Variants in SLC3A1 observed in about 807,000 individuals in gnomAD.
SLC3A1 encodes amino acid transporter heavy chain SLC3A1.
Under a neutral mutation model 60.3 loss-of-function variants are expected in SLC3A1, and 78 were observed. That is an observed-to-expected ratio of 1.29 (90% CI 1.08 to 1.56). The LOEUF is 1.56. Ranked by LOEUF, SLC3A1 falls within the 40% of genes most tolerant of loss-of-function variation. The pLI is 0.00. For synonymous variants in SLC3A1, 392 were observed against 307.9 expected (o/e 1.27, Z -2.86); for missense variants, 1,172 against 858.9 (o/e 1.36, Z -4.56).
At chr2:44,294,163 G>T (rs1348406241) in intron 4 of SLC3A1, among the ~76,000 whole-genome samples, 1 of 152,094 alleles carries the variant, frequency 6.6e-6, no homozygotes, top group Admixed American at 6.5e-5. Context: ...TCCAGAAGAC[G>T]AGATTGGTCA....
chr2:44,320,680 G>C lies in SLC3A1; in HGVS notation c.*41G>C, dbSNP rs1480509122. On this transcript the variant is annotated 3_prime_UTR_variant, in exon 10 of 10. Transcript: ENST00000260649. ...GATGAAGACACTGGCATTTCAGTGG[G>C]ATTGTAAGCATTTGTAATAGCTTCA... 6.7e-7 allele frequency: 1 copy of C among 1,493,032 alleles called. No homozygotes were observed. Among genetic ancestry groups the C allele is most frequent in the African/African-American group, 1.4e-5 (1 of 72,712 alleles). 92.5% of individuals were successfully genotyped at this position (1,493,032 alleles called of 1,614,324 possible).
chr2:44,300,075 T>C lies in SLC3A1; in HGVS notation c.996T>C (p.Asn332=), dbSNP rs757496660. 6.2e-7 allele frequency: 1 copy of C among 1,613,988 alleles called. No homozygotes were observed. Among genetic ancestry groups the C allele is most frequent in the Non-Finnish European group, 8.5e-7 (1 of 1,179,870 alleles). The change falls in exon 5 of 10, where the codon AAT becomes AAC. Residue 332 remains asparagine, a synonymous_variant. Transcript: ENST00000260649. The stretch of plus-strand genomic sequence containing the variant: ...ACCTGAGAGATGAGATCCAAGTAAA[T>C]AAGACCCAAATCCCGGTAAAGTTTT... The part of the protein sequence containing the change: ...AKHLRDEIQV[N]KTQIPDTVTQ...
intron 5 of SLC3A1, 31 bp from the exon 6 acceptor site, chr2:44,300,972 G>C: frequency 2.5e-6 from 4 of 1,612,996 alleles, no homozygotes; most frequent in African/African-American, 1.3e-5. Flanking sequence ...TGTATGAAAT[G>C]AGGGTAACCA....
Position 44,292,424 on chromosome 2 carries a change from A to C in SLC3A1, c.891+6267A>C, listed in dbSNP as rs1671760566. ...GCCAGGCACTTTATTATAATCATTC[A>C]CTCATTTAATGATAGGTATTGTGTG... On this transcript the variant is annotated intron_variant, in intron 4 of 9. Transcript: ENST00000260649. Among the ~76,000 whole-genome samples the C allele has an allele frequency of 2.0e-5, 3 of 152,096 alleles. No homozygotes were observed. The East Asian group carries it at 5.8e-4, about 29-fold the overall frequency.
intron 4 of SLC3A1, among the ~76,000 whole-genome samples, chr2:44,299,366 T>C (rs776579184): frequency 1.3e-5 from 2 of 152,218 alleles, no homozygotes; most frequent in Non-Finnish European, 1.5e-5. Flanking sequence ...TCTGAGTGTA[T>C]TCAAGACAAC....
At position 44,321,288 on chromosome 2, in the gene SLC3A1, T is replaced by A. The variant is rs145847307; in HGVS notation, c.*649T>A. 9 of 1,279,126 alleles carry A rather than the reference T, an allele frequency of 7.0e-6. No individual in the cohort carries two copies. In the African/African-American group the frequency reaches 1.2e-4, roughly 17 times the overall value. The allele number at this position is 1,279,126 out of a possible 1,614,324, so 79.2% of individuals were successfully genotyped here. ...CTCAAGTTATTAATTTTTTTTTTGC[T>A]AACTCAATTGGAAGTAAGACTATGA... On this transcript the variant is annotated 3_prime_UTR_variant, in exon 10 of 10. Coordinates refer to ENST00000260649, the MANE Select transcript of SLC3A1 (RefSeq NM_000341.4).
At chr2:44,281,623 G>C in intron 3 of SLC3A1, 82 bp downstream of exon 3, 1 of 1,319,830 alleles carries the variant, frequency 7.6e-7, no homozygotes, top group Non-Finnish European at 1.1e-6. Flanking sequence ...ACCCTTTTGA[G>C]GGAAAAATGA....
At chr2:44,285,506 C>T in intron 3 of SLC3A1, 1 of 363,014 alleles carries the variant, frequency 2.8e-6, no homozygotes, top group Non-Finnish European at 5.5e-6. Context: ...GCGACATCGT[C>T]AACTATTGCT....
intron 7 of SLC3A1, among the ~76,000 whole-genome samples, chr2:44,308,795 T>A (rs1052300041): frequency 6.6e-6 from 1 of 151,304 alleles, no homozygotes; most frequent in African/African-American, 2.5e-5. Context: ...TGCAGTGGTG[T>A]GATCTCAGCT....
chr2:44,306,719 A>T (rs915326332), intron 7 of SLC3A1, among the ~76,000 whole-genome samples: 1 of 151,540 alleles, frequency 6.6e-6, no homozygotes, highest in Non-Finnish European at 1.5e-5. Flanking sequence ...ACACCCAGCT[A>T]ATTTTTTGTA....
intron 7 of SLC3A1, among the ~76,000 whole-genome samples, chr2:44,310,160 T>A (rs1672258215): frequency 6.6e-6 from 1 of 152,176 alleles, no homozygotes; most frequent in Admixed American, 6.6e-5. Flanking sequence ...CTTAAAGTGT[T>A]AGGATTACAG....
At chr2:44,317,823 G>A (rs1327150745) in intron 9 of SLC3A1, 1 of 163,858 alleles carries the variant, frequency 6.1e-6, no homozygotes, top group African/African-American at 2.4e-5. Context: ...TCCGAATTAT[G>A]TCTAAATAAT....
At chr2:44,281,668 G>T in intron 3 of SLC3A1, 127 bp downstream of exon 3, 2 of 819,148 alleles carry the variant, frequency 2.4e-6, no homozygotes, top group Non-Finnish European at 4.1e-6. Flanking sequence ...GCAAGTTTCT[G>T]AAAGAAATAG....
At position 44,288,295 on chromosome 2, in the gene SLC3A1, G is replaced by C. The variant is rs186568727; in HGVS notation, c.891+2138G>C. On this transcript the variant is annotated intron_variant, in intron 4 of 9. Coordinates refer to ENST00000260649, the MANE Select transcript of SLC3A1 (RefSeq NM_000341.4). ...CCCGTCTCAGCTTCCCAAAATGCTG[G>C]GATTACAGGTATGAGCCACTGCACC... Among the ~76,000 whole-genome samples the C allele has an allele frequency of 1.3e-3, 192 of 152,104 alleles. 1 individual carries two copies. Among genetic ancestry groups the C allele is most frequent in the African/African-American group, 4.3e-3 (178 of 41,484 alleles).
chr2:44,320,609 T>C lies in SLC3A1; in HGVS notation c.2028T>C (p.Ser676=). Residue 676 remains serine (S), a synonymous_variant, in exon 10 of 10, where the codon AGT becomes AGC. Coordinates refer to ENST00000260649, the MANE Select transcript of SLC3A1 (RefSeq NM_000341.4). ...TTTCCAATCGAGCATGCTATTCCAG[T>C]GTACTGAACATACTGTATACCTCGT... is the stretch of plus-strand genomic sequence containing the variant. ...CFVSNRACYS[S]VLNILYTSC 2 of 1,613,998 alleles carry C rather than the reference T, an allele frequency of 1.2e-6. No homozygotes were observed. The highest frequency in any genetic ancestry group is 1.1e-5 in the South Asian group (1 of 91,074).
At chr2:44,281,360 G>C in intron 2 of SLC3A1, 27 bp from the exon 3 acceptor site, 2 of 1,589,150 alleles carry the variant, frequency 1.3e-6, no homozygotes, top group Non-Finnish European at 1.7e-6. Context: ...TCTTTCCCTA[G>C]CATTTGAAAT....
intron 9 of SLC3A1, chr2:44,317,999 C>CA (rs1672573574): frequency 5.9e-6 from 2 of 341,598 alleles, no homozygotes; most frequent in South Asian, 2.2e-5. Flanking sequence ...GCTATAAACA[C>CA]AAAAAATGAA....
rs571152429 is a variant in SLC3A1, at chr2:44,304,059, G to C, written c.1137-84G>C. ...AGTGTGCATTCAGCCCCTACATCTT[G>C]TACATGCAAGATAAGCAGCTGTGGA... is the stretch of plus-strand genomic sequence containing the variant. On this transcript the variant is annotated intron_variant, in intron 6 of 9. Transcript: ENST00000260649. 4.9e-5 allele frequency: 50 copies of C among 1,017,306 alleles called. 1 individual carries two copies. In the Middle Eastern group the frequency reaches 3.3e-3, roughly 67 times the overall value. 63.0% of individuals were successfully genotyped at this position (1,017,306 alleles called of 1,614,324 possible). A position where few individuals can be genotyped will look rare whatever the true frequency, so the allele number is the denominator to read the frequency against.
intron 3 of SLC3A1, chr2:44,285,109 A>G (rs1340606388): frequency 6.6e-6 from 1 of 152,110 alleles, no homozygotes; most frequent in East Asian, 1.9e-4. Context: ...TATTCTGGAT[A>G]CTGATTTTTT....
Sources: gnomAD v4.1 joint callset for allele counts (sites outside exome capture counted in the v4.1 genomes callset) on GRCh38, gnomAD v4.1.1 for gene constraint, MANE v1.5 for transcripts, NCBI Gene and HGNC (gene_info 2026-07-23, HGNC 2026-07-21) for gene names.